Variants in TMEM108 observed in about 807,000 individuals in gnomAD.
TMEM108 encodes the protein transmembrane protein 108.
Under a neutral mutation model 35.1 loss-of-function variants are expected in TMEM108, and 12 were observed. The observed-to-expected ratio is 0.34, with a 90% CI of 0.22 to 0.55. The LOEUF (loss-of-function observed/expected upper bound fraction) is 0.55, where lower values mean the gene tolerates loss of function less well. Among genes scored for constraint, TMEM108 ranks in the 20% least tolerant of loss-of-function variants. TMEM108 has a pLI of 0.89. For synonymous variants in TMEM108, 287 were observed against 308.6 expected, an observed-to-expected ratio of 0.93 and a Z score of 0.73; for missense variants, 680 against 753.3, an observed-to-expected ratio of 0.90 and a Z score of 1.14.
At chr3:133,122,555 A>T (rs1292020385) in intron 2 of TMEM108, among the ~76,000 whole-genome samples, 1 of 152,180 alleles carries the variant, frequency 6.6e-6, no homozygotes, top group African/African-American at 2.4e-5. Flanking sequence ...TGAGTAGAAT[A>T]TTCCTTGTTT....
chr3:133,154,663 A>G (rs1005469393), intron 2 of TMEM108, among the ~76,000 whole-genome samples: 1 of 152,038 alleles, frequency 6.6e-6, no homozygotes, highest in Non-Finnish European at 1.5e-5. Flanking sequence ...TTGAACAATG[A>G]GAACACATGG....
chr3:133,124,353 C>T (rs950583375), intron 2 of TMEM108, among the ~76,000 whole-genome samples: 1 of 152,186 alleles, frequency 6.6e-6, no homozygotes, highest in South Asian at 2.1e-4. Flanking sequence ...TGAGTGGAGG[C>T]AGCTATTGAT....
chr3:133,179,704 T>C (rs1945300965), intron 2 of TMEM108, among the ~76,000 whole-genome samples: 1 of 151,984 alleles, frequency 6.6e-6, no homozygotes, highest in Non-Finnish European at 1.5e-5. Flanking sequence ...ATACCTAATG[T>C]TAAATGATGA....
chr3:133,172,057 A>G (rs780953601), intron 2 of TMEM108, among the ~76,000 whole-genome samples: 1 of 152,186 alleles, frequency 6.6e-6, no homozygotes, highest in Non-Finnish European at 1.5e-5. Flanking sequence ...TTATAATGAT[A>G]ACCCATACAT....
intron 2 of TMEM108, among the ~76,000 whole-genome samples, chr3:133,185,843 C>T (rs1945413225): frequency 6.8e-6 from 1 of 147,620 alleles, no homozygotes. Flanking sequence ...ACTCAGCTCA[C>T]TGCAACCTCT....
At chr3:133,264,145 A>C (rs1377365904) in intron 3 of TMEM108, among the ~76,000 whole-genome samples, 1 of 152,164 alleles carries the variant, frequency 6.6e-6, no homozygotes, top group East Asian at 1.9e-4. Context: ...ATCTCTTAAA[A>C]AAACAACAAC....
intron 3 of TMEM108, among the ~76,000 whole-genome samples, chr3:133,241,535 T>C (rs998745643): frequency 2.0e-5 from 3 of 152,028 alleles, no homozygotes; most frequent in Non-Finnish European, 4.4e-5. Flanking sequence ...GGCAGCCGCA[T>C]TGCTCATGTC....
At chr3:133,349,499 G>T (rs2071926435) in intron 3 of TMEM108, among the ~76,000 whole-genome samples, 2 of 152,056 alleles carry the variant, frequency 1.3e-5, no homozygotes, top group Admixed American at 6.6e-5. Context: ...AAATAGCAGA[G>T]TGAAGAGATG....
At chr3:133,374,443 C>CTATT (rs980262927) in intron 3 of TMEM108, among the ~76,000 whole-genome samples, 2 of 151,598 alleles carry the variant, frequency 1.3e-5, no homozygotes, top group Non-Finnish European at 2.9e-5. Flanking sequence ...AGATAAAATT[C>CTATT]TATTTTTATG....
At chr3:133,052,072 G>T (rs986180463) in intron 2 of TMEM108, among the ~76,000 whole-genome samples, 6 of 152,122 alleles carry the variant, frequency 3.9e-5, no homozygotes, top group Non-Finnish European at 8.8e-5. Flanking sequence ...TGATTCTACA[G>T]ATCGAATTGA....
In TMEM108 at chr3:133,125,540, G is replaced by A. The variant is rs1186440800; in HGVS notation, c.-47+79520G>A. 2.6e-5 allele frequency among the ~76,000 whole-genome samples: 4 copies of A among 152,256 alleles called. No homozygotes were observed. The East Asian group carries it at 7.7e-4, about 29-fold the overall frequency. On this transcript the variant is annotated intron_variant, in intron 2 of 5. Transcript: ENST00000321871. ...CTCAGCATGGATGCTGTTCTCATTTGAATACAATTTGGGGGGTAGGTGGGG... is the reference window on the plus strand; with the variant it reads ...CTCAGCATGGATGCTGTTCTCATTTAAATACAATTTGGGGGGTAGGTGGGG...
intron 4 of TMEM108, chr3:133,388,473 G>GT: frequency 8.1e-6 from 8 of 985,384 alleles, no homozygotes; most frequent in Non-Finnish European, 9.6e-6. Context: ...TGAAGAAAGG[G>GT]TTTTTTGGAA....
At chr3:133,352,697 TAGGGCAAG>T (rs2072040246) in intron 3 of TMEM108, among the ~76,000 whole-genome samples, 1 of 152,208 alleles carries the variant, frequency 6.6e-6, no homozygotes. Context: ...AAGACGTGCC[TAGGGCAAG>T]GTATATGGGA....
intron 2 of TMEM108, among the ~76,000 whole-genome samples, chr3:133,097,055 T>C (rs1461460866): frequency 6.6e-6 from 1 of 152,220 alleles, no homozygotes; most frequent in Admixed American, 6.5e-5. Context: ...AGATTGGCCA[T>C]TCCAAATAAT....
At chr3:133,234,398 C>T (rs535710212) in intron 3 of TMEM108, among the ~76,000 whole-genome samples, 91 of 152,212 alleles carry the variant, frequency 6.0e-4, no homozygotes, top group Middle Eastern at 6.8e-3. Context: ...AACGCTTATC[C>T]ACCATGATCA....
Position 133,395,571 on chromosome 3 carries a change from C to T in TMEM108, c.1606-293C>T, listed in dbSNP as rs142812784. On this transcript the variant is annotated intron_variant, in intron 5 of 5. Transcript: ENST00000321871. ...TTTGACAAGGAAAGCAGTACCATCT[C>T]TGGCAACCTGGGATTGGGGTGATTC... 1.6e-3 allele frequency among the ~76,000 whole-genome samples: 237 copies of T among 152,334 alleles called. 2 individuals carry two copies. The Middle Eastern group carries it at 0.037, about 24-fold the overall frequency.
intron 3 of TMEM108, among the ~76,000 whole-genome samples, chr3:133,367,851 T>A (rs142141255): frequency 1.3e-5 from 2 of 152,294 alleles, no homozygotes; most frequent in East Asian, 3.9e-4. Context: ...CCTCAACAAG[T>A]TCTTTTGTGA....
intron 3 of TMEM108, among the ~76,000 whole-genome samples, chr3:133,306,885 C>G (rs897591887): frequency 6.6e-6 from 1 of 151,816 alleles, no homozygotes; most frequent in African/African-American, 2.4e-5. Context: ...GGGTATATAC[C>G]CAGTAATGAA....
At chr3:133,177,205 G>A (rs1945246680) in intron 2 of TMEM108, among the ~76,000 whole-genome samples, 1 of 152,206 alleles carries the variant, frequency 6.6e-6, no homozygotes, top group Admixed American at 6.5e-5. Context: ...TCCAGGACCA[G>A]ATGGATTCAC....
Sources: allele counts gnomAD v4.1 joint callset (sites outside exome capture counted in the v4.1 genomes callset), GRCh38; gene constraint gnomAD v4.1.1; transcripts MANE v1.5; gene names NCBI Gene and HGNC (gene_info 2026-07-23, HGNC 2026-07-21).